Variants in DLG1 observed in about 807,000 individuals in gnomAD.
The protein encoded by DLG1 is discs large MAGUK scaffold protein 1.
In DLG1, 42 loss-of-function variants were observed where a neutral mutation model predicts 123.4. The ratio of observed to expected loss-of-function variants is 0.34; its 90% CI spans 0.27 to 0.44. The LOEUF is 0.44. DLG1 is among the 20% of genes least tolerant of loss of function. DLG1 has a pLI of 1.00. For synonymous variants in DLG1, 317 were observed against 356.2 expected (o/e 0.89, Z 1.24); for missense variants, 942 against 1,082.6 (o/e 0.87, Z 1.82).
intron 5 of DLG1, among the ~76,000 whole-genome samples, chr3:197,185,167 T>C (rs1715078775): frequency 6.6e-6 from 1 of 152,256 alleles, no homozygotes; most frequent in Non-Finnish European, 1.5e-5. Context: ...TTTAAGCTGA[T>C]AAGAGCATAT....
chr3:197,244,318 G>A (rs1750497593), intron 4 of DLG1, among the ~76,000 whole-genome samples: 1 of 152,198 alleles, frequency 6.6e-6, no homozygotes, highest in African/African-American at 2.4e-5. Context: ...GTTCATGCCT[G>A]GTAGACTGGA....
chr3:197,131,626 C>T (rs1175924454), intron 10 of DLG1, among the ~76,000 whole-genome samples: 2 of 118,764 alleles, frequency 1.7e-5, no homozygotes, highest in African/African-American at 6.4e-5. Flanking sequence ...CGGAGTCTCG[C>T]TCTGTCGCCC....
chr3:197,147,432 G>GCA (rs67643945), intron 6 of DLG1, among the ~76,000 whole-genome samples: 14,981 of 147,018 alleles, frequency 0.1, 830 homozygotes, highest in Admixed American at 0.13. Flanking sequence ...TATATGGTGT[G>GCA]CACACACACA....
intron 4 of DLG1, among the ~76,000 whole-genome samples, chr3:197,280,413 T>G (rs1028645859): frequency 1.3e-5 from 2 of 152,108 alleles, no homozygotes; most frequent in Non-Finnish European, 2.9e-5. Flanking sequence ...TTAGATTGAT[T>G]TGATATCTTG....
At chr3:197,284,801 A>G (rs1199408738) in intron 3 of DLG1, among the ~76,000 whole-genome samples, 1 of 152,176 alleles carries the variant, frequency 6.6e-6, no homozygotes, top group Non-Finnish European at 1.5e-5. Context: ...TTTTGTTGAA[A>G]CCTACTCGGT....
At chr3:197,125,106 T>G (rs1026072593) in intron 11 of DLG1, among the ~76,000 whole-genome samples, 6 of 152,132 alleles carry the variant, frequency 3.9e-5, no homozygotes, top group Non-Finnish European at 5.9e-5. Context: ...ATTACATAGG[T>G]ATATCTGAAA....
chr3:197,054,332 T>TTTTC (rs1553868190), intron 23 of DLG1, among the ~76,000 whole-genome samples: 83 of 14,102 alleles, frequency 5.9e-3, no homozygotes, highest in African/African-American at 0.012. Flanking sequence ...TCTCTCTGCC[T>TTTTC]TCTCTCTATT....
chr3:197,066,806 A>G (rs778676228), intron 19 of DLG1, 52 bp from the exon 20 acceptor site: 4 of 1,244,500 alleles, frequency 3.2e-6, no homozygotes, highest in Admixed American at 1.8e-5. Flanking sequence ...AATTGATGCT[A>G]ATCTAATTCT....
At chr3:197,238,406 T>C (rs1747131920) in intron 4 of DLG1, among the ~76,000 whole-genome samples, 1 of 151,360 alleles carries the variant, frequency 6.6e-6, no homozygotes, top group African/African-American at 2.4e-5. Context: ...ATGAAACAAA[T>C]GAAATAATAA....
rs1553846394 is a variant in DLG1 at position 197,298,247 on chromosome 3, A to AGGGGGAGGCGGGTC, written c.-32+275_-32+288dup. ...CCCGCGCTGCTACCTTCGGGTTGGA[A>AGGGGGAGGCGGGTC]GGGGGAGGCGGGTCGGGGGAGGGCA... is the stretch of plus-strand genomic sequence containing the variant. On this transcript the variant is annotated intron_variant, in intron 1 of 24. Coordinates refer to ENST00000667157, the MANE Select transcript of DLG1 (RefSeq NM_001366207.1). 6.1e-4 allele frequency: 212 copies of AGGGGGAGGCGGGTC among 345,688 alleles called. No homozygotes were observed. The East Asian group carries it at 8.7e-3, about 14-fold the overall frequency. The allele number at this position is 345,688 out of a possible 1,614,324, so 21.4% of individuals were successfully genotyped here.
intron 16 of DLG1, among the ~76,000 whole-genome samples, chr3:197,083,627 T>C (rs970167467): frequency 2.0e-4 from 30 of 152,268 alleles, no homozygotes; most frequent in Admixed American, 1.9e-3. Flanking sequence ...TTAACTACTT[T>C]TGCTATGTGC....
chr3:197,203,544 CA>C (rs1260324215), intron 4 of DLG1, among the ~76,000 whole-genome samples: 1 of 151,932 alleles, frequency 6.6e-6, no homozygotes, highest in African/African-American at 2.4e-5. Flanking sequence ...AAACCACTGC[CA>C]AATAAATTGT....
intron 5 of DLG1, among the ~76,000 whole-genome samples, chr3:197,181,852 G>T (rs892003193): frequency 4.6e-5 from 7 of 152,130 alleles, no homozygotes; most frequent in African/African-American, 1.7e-4. Context: ...CTAGCATACA[G>T]GAATGCTCTG....
intron 6 of DLG1, among the ~76,000 whole-genome samples, chr3:197,146,191 C>G (rs1371546102): frequency 6.6e-6 from 1 of 152,034 alleles, no homozygotes; most frequent in Non-Finnish European, 1.5e-5. Flanking sequence ...AGCTCATGGA[C>G]AGGTAGAATC....
At chr3:197,193,516 AAAAT>A (rs1421452892) in intron 5 of DLG1, among the ~76,000 whole-genome samples, 2 of 152,208 alleles carry the variant, frequency 1.3e-5, no homozygotes, top group Non-Finnish European at 2.9e-5. Context: ...TAATAACCTG[AAAAT>A]AAATCCATAT....
intron 23 of DLG1, among the ~76,000 whole-genome samples, chr3:197,059,171 CGCCTCA>C (rs1734041642): frequency 6.6e-6 from 1 of 152,144 alleles, no homozygotes; most frequent in African/African-American, 2.4e-5. Context: ...GTGATCTGCC[CGCCTCA>C]GCCTCCCAAA....
chr3:197,074,121 T>C (rs1485901284), intron 18 of DLG1, among the ~76,000 whole-genome samples: 1 of 152,140 alleles, frequency 6.6e-6, no homozygotes, highest in East Asian at 1.9e-4. Context: ...CTATTTTATG[T>C]GATAACCTCC....
intron 5 of DLG1, among the ~76,000 whole-genome samples, chr3:197,174,215 A>C (rs1805820259): frequency 6.6e-6 from 1 of 152,224 alleles, no homozygotes; most frequent in Admixed American, 6.5e-5. Flanking sequence ...GTCAATGAAG[A>C]AAATAGAAAA....
chr3:197,173,832 G>A (rs540781096), intron 5 of DLG1, among the ~76,000 whole-genome samples: 2 of 152,304 alleles, frequency 1.3e-5, no homozygotes, highest in East Asian at 3.9e-4. Flanking sequence ...CAGGCATGGT[G>A]GCTCATGCCT....
Sources: allele counts gnomAD v4.1 joint callset (sites outside exome capture counted in the v4.1 genomes callset), GRCh38; gene constraint gnomAD v4.1.1; transcripts MANE v1.5; gene names NCBI Gene and HGNC (gene_info 2026-07-23, HGNC 2026-07-21).